The following HDAC9 variants were observed in gnomAD, a reference collection of about 807,000 sequenced individuals.
HDAC9 encodes the protein MEF-2 interacting transcription repressor (MITR) protein.
A neutral mutation model predicts 139.4 loss-of-function variants in HDAC9; 41 were observed. The ratio of observed to expected loss-of-function variants is 0.29; its 90% confidence interval spans 0.23 to 0.38. The LOEUF (loss-of-function observed/expected upper bound fraction) is 0.38, where lower values mean the gene tolerates loss of function less well. Among genes scored for constraint, HDAC9 ranks in the 10% least tolerant of loss-of-function variants. The pLI is 1.00. For missense variants in HDAC9, 1,147 were observed against 1,297.0 expected (o/e 0.88, Z 1.78); for synonymous variants, 517 against 476.2 (o/e 1.09, Z -1.12).
At chr7:18,758,622 G>C (rs1789093117) in intron 14 of HDAC9, among the ~76,000 whole-genome samples, 1 of 152,154 alleles carries the variant, frequency 6.6e-6, no homozygotes, top group Admixed American at 6.6e-5. Context: ...ATACAAGTGA[G>C]GCAAAACGGA....
intron 2 of HDAC9, among the ~76,000 whole-genome samples, chr7:18,282,326 A>G (rs1797157754): frequency 6.6e-6 from 1 of 152,240 alleles, no homozygotes; most frequent in Non-Finnish European, 1.5e-5. Context: ...AATAAAGTCC[A>G]GAAAGTTTAA....
chr7:18,958,334 A>G (rs1168334031), intron 24 of HDAC9, among the ~76,000 whole-genome samples: 3 of 152,162 alleles, frequency 2.0e-5, no homozygotes, highest in Non-Finnish European at 4.4e-5. Flanking sequence ...AAAGAGAACT[A>G]CCATATGATT....
chr7:18,949,084 G>T (rs1187772022), intron 23 of HDAC9: 5 of 338,238 alleles, frequency 1.5e-5, no homozygotes, highest in Admixed American at 3.8e-5. Flanking sequence ...TTTTGGGAGG[G>T]TTTTTTTTCT....
intron 12 of HDAC9, among the ~76,000 whole-genome samples, chr7:18,673,276 C>G (rs905488305): frequency 3.3e-5 from 5 of 151,874 alleles, no homozygotes; most frequent in African/African-American, 1.2e-4. Context: ...AACAGCATGT[C>G]TTTAAAAAAA....
chr7:18,448,649 G>A (rs762750413), intron 1 of HDAC9, among the ~76,000 whole-genome samples: 1 of 151,680 alleles, frequency 6.6e-6, no homozygotes, highest in African/African-American at 2.4e-5. Flanking sequence ...TTCCTTTTTG[G>A]TCAATTTCCT....
intron 17 of HDAC9, among the ~76,000 whole-genome samples, chr7:18,814,273 A>C (rs2129193345): frequency 6.6e-6 from 1 of 152,348 alleles, no homozygotes; most frequent in East Asian, 1.9e-4. Context: ...TTTAGCATTT[A>C]CTTACAAGGT....
chr7:18,415,015 CCTT>C (rs1454053163), intron 1 of HDAC9, among the ~76,000 whole-genome samples: 5 of 152,178 alleles, frequency 3.3e-5, no homozygotes, highest in African/African-American at 7.2e-5. Flanking sequence ...AGTTCCTCAC[CCTT>C]CTTCTCATTG....
intron 12 of HDAC9, among the ~76,000 whole-genome samples, chr7:18,710,468 A>G (rs1224177593): frequency 6.6e-6 from 1 of 152,218 alleles, no homozygotes; most frequent in East Asian, 1.9e-4. Context: ...ATGCACACAT[A>G]TACAGATATG....
intron 6 of HDAC9, among the ~76,000 whole-genome samples, chr7:18,596,972 T>A (rs956477337): frequency 4.6e-5 from 7 of 152,090 alleles, no homozygotes; most frequent in African/African-American, 9.7e-5. Flanking sequence ...GAGCACAATT[T>A]GAAACCTCTC....
At chr7:18,677,763 C>T (rs185213204) in intron 12 of HDAC9, among the ~76,000 whole-genome samples, 89 of 151,974 alleles carry the variant, frequency 5.9e-4, no homozygotes, top group African/African-American at 1.6e-3. Context: ...TCTATTTCTA[C>T]ATATGTATGT....
upstream of HDAC9, among the ~76,000 whole-genome samples, chr7:18,287,313 A>G (rs949995806): frequency 6.6e-6 from 1 of 152,228 alleles, no homozygotes; most frequent in Non-Finnish European, 1.5e-5. Flanking sequence ...AATTCTCATT[A>G]ACATGTTGGC....
At chr7:18,151,614 G>A (rs944095466) in intron 1 of HDAC9, among the ~76,000 whole-genome samples, 3 of 152,158 alleles carry the variant, frequency 2.0e-5, no homozygotes, top group Admixed American at 6.6e-5. Flanking sequence ...TCATAGTATA[G>A]TAACCCAGAG....
At chr7:18,119,475 A>G (rs755450207) in intron 1 of HDAC9, among the ~76,000 whole-genome samples, 5 of 152,188 alleles carry the variant, frequency 3.3e-5, no homozygotes, top group Non-Finnish European at 5.9e-5. Flanking sequence ...CCAGTTTCTT[A>G]CCACCAAACT....
At chr7:18,481,206 A>G (rs1309100532) in intron 1 of HDAC9, among the ~76,000 whole-genome samples, 1 of 152,214 alleles carries the variant, frequency 6.6e-6, no homozygotes, top group African/African-American at 2.4e-5. Context: ...ATATTATATG[A>G]TAATGATAGT....
chr7:18,510,745 A>C (rs1159591504), intron 2 of HDAC9, among the ~76,000 whole-genome samples: 1 of 152,200 alleles, frequency 6.6e-6, no homozygotes, highest in Non-Finnish European at 1.5e-5. Context: ...ATAAGGAGTT[A>C]ACATAGTGAG....
At chr7:18,474,404 C>G (rs1794956520) in intron 1 of HDAC9, among the ~76,000 whole-genome samples, 1 of 152,200 alleles carries the variant, frequency 6.6e-6, no homozygotes, top group Non-Finnish European at 1.5e-5. Flanking sequence ...TTTTTTCCTG[C>G]TCGACTCTAG....
chr7:18,198,118 TTTTA>T (rs1473809863), intron 2 of HDAC9, among the ~76,000 whole-genome samples: 1 of 152,164 alleles, frequency 6.6e-6, no homozygotes, highest in Non-Finnish European at 1.5e-5. Context: ...TTTTTGAATG[TTTTA>T]TTTATTTAAT....
At chr7:18,620,205 C>G (rs1839839347) in intron 6 of HDAC9, among the ~76,000 whole-genome samples, 1 of 152,100 alleles carries the variant, frequency 6.6e-6, no homozygotes. Context: ...CTGCATGAAA[C>G]TTGCAACCTT....
chr7:18,643,138 T>TA (rs1238267763), intron 8 of HDAC9, among the ~76,000 whole-genome samples: 2 of 152,150 alleles, frequency 1.3e-5, no homozygotes, highest in African/African-American at 4.8e-5. Context: ...ATTCTATACT[T>TA]ACAATTTTCG....
Sources: gnomAD v4.1 joint callset for allele counts (sites outside exome capture counted in the v4.1 genomes callset) on GRCh38, gnomAD v4.1.1 for gene constraint, MANE v1.5 for transcripts, NCBI Gene and HGNC (gene_info 2026-07-23, HGNC 2026-07-21) for gene names.